GRIK2: variants seen among roughly 807,000 people sequenced by gnomAD.
GRIK2 encodes the protein glutamate receptor ionotropic, kainate 2.
In GRIK2, 32 loss-of-function variants were observed where a neutral mutation model predicts 100.3. The ratio of observed to expected loss-of-function variants is 0.32; its 90% CI spans 0.24 to 0.43. The LOEUF is 0.43. GRIK2 is among the 20% of genes least tolerant of loss of function. The pLI, the probability that GRIK2 is intolerant of heterozygous loss-of-function variation, is 1.00. For synonymous variants in GRIK2, 417 were observed against 389.4 expected (o/e 1.07, Z -0.83); for missense variants, 843 against 1,114.9 (o/e 0.76, Z 3.47).
chr6:101,447,190 T>A (rs1217720695), intron 2 of GRIK2, among the ~76,000 whole-genome samples: 1 of 151,444 alleles, frequency 6.6e-6, no homozygotes, highest in Non-Finnish European at 1.5e-5. Flanking sequence ...GCCAAGAATC[T>A]TAGAAGCAGA....
At chr6:101,925,441 A>T (rs1004422124) in intron 13 of GRIK2, among the ~76,000 whole-genome samples, 1 of 150,310 alleles carries the variant, frequency 6.7e-6, no homozygotes, top group African/African-American at 2.4e-5. Context: ...CAGAATTTTA[A>T]TATTTGATGC....
At chr6:101,857,337 T>C (rs1458901698) in intron 10 of GRIK2, among the ~76,000 whole-genome samples, 1 of 152,124 alleles carries the variant, frequency 6.6e-6, no homozygotes, top group Admixed American at 6.5e-5. Flanking sequence ...GACCAGGACT[T>C]CTCTAACACA....
At chr6:101,823,867 T>TC (rs1782126239) in intron 10 of GRIK2, among the ~76,000 whole-genome samples, 1 of 148,312 alleles carries the variant, frequency 6.7e-6, no homozygotes, top group African/African-American at 2.6e-5. Context: ...GTTCTGTTTT[T>TC]TTTTTTTTGT....
chr6:101,896,873 G>A (rs1168242931), intron 12 of GRIK2, among the ~76,000 whole-genome samples: 1 of 151,626 alleles, frequency 6.6e-6, no homozygotes, highest in Non-Finnish European at 1.5e-5. Flanking sequence ...AGTTTATGGG[G>A]TGATATGAAG....
chr6:101,747,157 A>G (rs2128381879), intron 7 of GRIK2, among the ~76,000 whole-genome samples: 1 of 152,320 alleles, frequency 6.6e-6, no homozygotes, highest in South Asian at 2.1e-4. Flanking sequence ...CTATATAACC[A>G]GCTGCTCAGC....
intron 2 of GRIK2, among the ~76,000 whole-genome samples, chr6:101,404,233 A>C (rs1260721265): frequency 2.0e-5 from 3 of 152,242 alleles, no homozygotes; most frequent in Non-Finnish European, 4.4e-5. Flanking sequence ...TTCAACATTT[A>C]CTCAGCACGG....
At chr6:101,668,893 T>C (rs757830581) in intron 4 of GRIK2, among the ~76,000 whole-genome samples, 1 of 152,208 alleles carries the variant, frequency 6.6e-6, no homozygotes, top group Non-Finnish European at 1.5e-5. Flanking sequence ...CCTTAAAAGC[T>C]AAATTGATGA....
At chr6:101,896,997 AACACACACACACACACACAC>A (rs10588904) in intron 12 of GRIK2, among the ~76,000 whole-genome samples, 4 of 147,704 alleles carry the variant, frequency 2.7e-5, no homozygotes, top group African/African-American at 1.0e-4. Flanking sequence ...CATTGTATTT[AACACACACACACACACACAC>A]ACACACACAC....
intron 12 of GRIK2, among the ~76,000 whole-genome samples, chr6:101,891,071 G>T (rs868439631): frequency 6.7e-6 from 1 of 149,160 alleles, no homozygotes; most frequent in Admixed American, 6.7e-5. Context: ...GGATTCTTTT[G>T]ATAAATTTAT....
At chr6:101,710,992 G>A (rs1411042467) in intron 7 of GRIK2, among the ~76,000 whole-genome samples, 1 of 151,744 alleles carries the variant, frequency 6.6e-6, no homozygotes, top group Non-Finnish European at 1.5e-5. Context: ...GTTATTCAGT[G>A]GATGAAACCT....
intron 10 of GRIK2, among the ~76,000 whole-genome samples, chr6:101,843,668 G>T (rs76045911): frequency 6.6e-6 from 1 of 152,100 alleles, no homozygotes; most frequent in Non-Finnish European, 1.5e-5. Context: ...CCAACTGCAC[G>T]TTATAATCAC....
chr6:101,900,190 C>T lies in GRIK2; in HGVS notation c.1748+10327C>T, dbSNP rs144521135. ...TAAACATATTTATTTTGGAGCCAGG[C>T]GCTGTGGCTCACGCTTGTAATCCCA... On this transcript the variant is annotated intron_variant, in intron 12 of 16. Transcript: ENST00000369134. 3.4e-3 allele frequency among the ~76,000 whole-genome samples: 510 copies of T among 152,166 alleles called. 1 individual carries two copies. Among genetic ancestry groups the T allele is most frequent in the Non-Finnish European group, 5.4e-3 (369 of 68,006 alleles).
intron 3 of GRIK2, among the ~76,000 whole-genome samples, chr6:101,625,325 A>T (rs1025521245): frequency 1.3e-5 from 2 of 151,962 alleles, no homozygotes; most frequent in Non-Finnish European, 2.9e-5. Flanking sequence ...GTGAGCTGAG[A>T]TCACACCACT....
chr6:101,956,441 T>C (rs1791940904), intron 14 of GRIK2, among the ~76,000 whole-genome samples: 1 of 152,136 alleles, frequency 6.6e-6, no homozygotes, highest in African/African-American at 2.4e-5. Context: ...CATGGATATA[T>C]TGCGTAGTGG....
At chr6:101,482,299 C>T (rs1274977400) in intron 2 of GRIK2, among the ~76,000 whole-genome samples, 2 of 152,056 alleles carry the variant, frequency 1.3e-5, no homozygotes, top group South Asian at 2.1e-4. Flanking sequence ...AGTCATGTTC[C>T]CTCTTCTTAA....
intron 10 of GRIK2, among the ~76,000 whole-genome samples, chr6:101,825,506 T>A (rs1480308623): frequency 6.6e-6 from 1 of 152,090 alleles, no homozygotes; most frequent in Admixed American, 6.6e-5. Context: ...TCTAAAGCCT[T>A]CTAAGTGCCA....
chr6:101,761,667 AGACT>A (rs1335582885), intron 7 of GRIK2, among the ~76,000 whole-genome samples: 1 of 152,164 alleles, frequency 6.6e-6, no homozygotes, highest in East Asian at 1.9e-4. Flanking sequence ...CTTCAAACTC[AGACT>A]GAAAGCTTTT....
At chr6:101,554,371 T>A (rs1244678176) in intron 2 of GRIK2, among the ~76,000 whole-genome samples, 3 of 152,224 alleles carry the variant, frequency 2.0e-5, no homozygotes, top group Non-Finnish European at 2.9e-5. Context: ...TAAAGTGACT[T>A]TTTGTTCTTT....
chr6:101,989,752 A>C (rs1794250266), intron 14 of GRIK2, among the ~76,000 whole-genome samples: 1 of 151,706 alleles, frequency 6.6e-6, no homozygotes, highest in Admixed American at 6.6e-5. Context: ...TTCTGTATAT[A>C]TTGCAGTTTT....
Sources: gnomAD v4.1 joint callset for allele counts (sites outside exome capture counted in the v4.1 genomes callset) on GRCh38, gnomAD v4.1.1 for gene constraint, MANE v1.5 for transcripts, NCBI Gene and HGNC (gene_info 2026-07-23, HGNC 2026-07-21) for gene names.